RPRD2: variants seen among roughly 807,000 people sequenced by gnomAD.
The protein encoded by RPRD2 is regulation of nuclear pre-mRNA domain-containing protein 2.
In RPRD2, 12 loss-of-function variants were observed where a neutral mutation model predicts 104.4. That is an observed-to-expected ratio of 0.11 (90% CI 0.07 to 0.19). The LOEUF is 0.19. Ranked by LOEUF, RPRD2 falls within the 10% of genes least tolerant of loss-of-function variation. The pLI, the probability that RPRD2 is intolerant of heterozygous loss-of-function variation, is 1.00. For missense variants in RPRD2, 1,543 were observed against 1,790.1 expected, an observed-to-expected ratio of 0.86 and a Z score of 2.49; for synonymous variants, 714 against 684.9, an observed-to-expected ratio of 1.04 and a Z score of -0.66.
chr1:150,463,423 T>A (rs1158240701), intron 9 of RPRD2, among the ~76,000 whole-genome samples: 2 of 152,226 alleles, frequency 1.3e-5, no homozygotes, highest in Non-Finnish European at 2.9e-5. Context: ...ATATGAAAGC[T>A]TCTGTTGTTC....
intron 10 of RPRD2, among the ~76,000 whole-genome samples, chr1:150,467,737 C>T (rs890731639): frequency 4.6e-5 from 7 of 152,134 alleles, no homozygotes; most frequent in Non-Finnish European, 8.8e-5. Context: ...ATGTGGAATT[C>T]TCTTTGACTT....
chr1:150,448,955 G>A (rs1245325230), intron 7 of RPRD2, among the ~76,000 whole-genome samples: 3 of 152,080 alleles, frequency 2.0e-5, no homozygotes, highest in Non-Finnish European at 4.4e-5. Context: ...GGGAAATTTT[G>A]TCTGACCTTA....
intron 1 of RPRD2, among the ~76,000 whole-genome samples, chr1:150,395,912 C>T (rs1320656666): frequency 3.3e-5 from 5 of 152,224 alleles, no homozygotes; most frequent in African/African-American, 7.2e-5. Flanking sequence ...CTTAAGGAAT[C>T]TCCACACTGT....
intron 1 of RPRD2, among the ~76,000 whole-genome samples, chr1:150,394,446 CTACTT>C (rs1480908625): frequency 1.3e-5 from 2 of 152,188 alleles, no homozygotes; most frequent in South Asian, 2.1e-4. Flanking sequence ...TCTCTACAAT[CTACTT>C]TAAGATGGTT....
intron 2 of RPRD2, among the ~76,000 whole-genome samples, chr1:150,433,966 C>T (rs1292809740): frequency 6.6e-6 from 1 of 151,220 alleles, no homozygotes; most frequent in Non-Finnish European, 1.5e-5. Context: ...GTTTTTTAAC[C>T]AAGAAGAAGC....
At chr1:150,451,780 T>A (rs117071664) in intron 7 of RPRD2, among the ~76,000 whole-genome samples, 1 of 151,714 alleles carries the variant, frequency 6.6e-6, no homozygotes. Context: ...TTTGCTGATA[T>A]AATCAAGTTA....
Position 150,472,329 on chromosome 1 carries a change from T to C in RPRD2, c.3381T>C (p.Gly1127=). 2 of 1,613,750 alleles carry C rather than the reference T, an allele frequency of 1.2e-6. No homozygotes were observed. The highest frequency in any genetic ancestry group is 1.1e-5 in the South Asian group (1 of 91,064). ...ATGGGCGTGAGGCTTCAAGGGTGGG[T>C]TGGTTTGATCTGAGCACATCAGGTA... ...RGHGREASRV[G]WFDLSTSGSS... The change falls in exon 11 of 11, where the codon GGT becomes GGC. Residue 1127 remains glycine (G), a synonymous_variant. Transcript: ENST00000369068.
intron 7 of RPRD2, among the ~76,000 whole-genome samples, chr1:150,454,944 A>G (rs587702026): frequency 1.4e-3 from 216 of 152,338 alleles, no homozygotes; most frequent in Non-Finnish European, 2.7e-3. Context: ...TTCAAAAGAT[A>G]TCTTTAAGAC....
At chr1:150,394,801 C>CT (rs1662362798) in intron 1 of RPRD2, among the ~76,000 whole-genome samples, 1 of 151,960 alleles carries the variant, frequency 6.6e-6, no homozygotes, top group Non-Finnish European at 1.5e-5. Context: ...AGGCTGGTCT[C>CT]AAACTCCAGA....
chr1:150,393,127 C>G (rs142261778), intron 1 of RPRD2, among the ~76,000 whole-genome samples: 253 of 152,022 alleles, frequency 1.7e-3, no homozygotes, highest in African/African-American at 5.7e-3. Context: ...AAAAAACATA[C>G]CGCTATAGTA....
chr1:150,471,898 C>G lies in RPRD2; in HGVS notation c.2950C>G (p.Pro984Ala), dbSNP rs1668611886. Residue 984 changes from proline (P) to alanine (A), a missense_variant, in exon 11 of 11, where the codon CCC becomes GCC. Transcript: ENST00000369068. This position sits in a 1 kb window ranked among gnomAD's most constrained non-coding sequence, Gnocchi z 5.3. ...LFSPQNTLAA[P>A]TGHPPTSGVE... ...CTCTCCGCAGAACACCCTTGCCGCT[C>G]CCACGGGTCACCCACCCACGTCAGG... 6.2e-7 allele frequency: 1 copy of G among 1,613,988 alleles called. No individual in the cohort carries two copies. Among genetic ancestry groups the G allele is most frequent in the East Asian group, 2.2e-5 (1 of 44,870 alleles).
At chr1:150,437,763 A>G (rs587703555) in intron 2 of RPRD2, among the ~76,000 whole-genome samples, 1 of 151,898 alleles carries the variant, frequency 6.6e-6, no homozygotes, top group South Asian at 2.1e-4. Flanking sequence ...TATTTTTTGC[A>G]GAGATGGGGT....
At chr1:150,409,246 ATATC>A (rs1372654883) in intron 1 of RPRD2, among the ~76,000 whole-genome samples, 1 of 152,134 alleles carries the variant, frequency 6.6e-6, no homozygotes, top group African/African-American at 2.4e-5. Context: ...AACACTGACT[ATATC>A]TAGATTAACT....
chr1:150,466,073 C>T (rs1553899902), intron 10 of RPRD2, among the ~76,000 whole-genome samples: 2 of 147,598 alleles, frequency 1.4e-5, no homozygotes, highest in African/African-American at 5.0e-5. Flanking sequence ...GAAACCCTGT[C>T]TCTACAACGG....
chr1:150,420,066 C>T (rs1664655282), intron 2 of RPRD2, among the ~76,000 whole-genome samples: 1 of 152,184 alleles, frequency 6.6e-6, no homozygotes, highest in Admixed American at 6.5e-5. Flanking sequence ...TGTTGTTTGC[C>T]ACTTAACCAC....
chr1:150,462,591 TCCCC>T (rs1338281843), intron 9 of RPRD2, among the ~76,000 whole-genome samples: 1 of 152,108 alleles, frequency 6.6e-6, no homozygotes, highest in African/African-American at 2.4e-5. Flanking sequence ...TCTCACTCTG[TCCCC>T]CAGGCTGCTG....
chr1:150,364,667 G>C lies in RPRD2; in HGVS notation c.-48G>C. 1 of 1,118,480 alleles carries C rather than the reference G, an allele frequency of 8.9e-7. No homozygotes were observed. The allele number at this position is 1,118,480 out of a possible 1,614,324, so 69.3% of individuals were successfully genotyped here. A position where few individuals can be genotyped will look rare whatever the true frequency, so the allele number is the denominator to read the frequency against. The stretch of plus-strand genomic sequence containing the variant: ...TGTTTTGCCCGCTCCCGCCGCCGCC[G>C]CCGCCGCCGCCGCCAGAGGAGCAGC... On this transcript the variant is annotated 5_prime_UTR_variant, in exon 1 of 11. Coordinates refer to ENST00000369068, the MANE Select transcript of RPRD2 (RefSeq NM_015203.5).
At chr1:150,417,474 T>G in intron 1 of RPRD2, 122 bp from the exon 2 acceptor site, 1 of 721,496 alleles carries the variant, frequency 1.4e-6, no homozygotes, top group Non-Finnish European at 2.1e-6. Flanking sequence ...ATTCATCTTT[T>G]TATATCCATG....
chr1:150,433,436 ATAAT>A (rs1553892354), intron 2 of RPRD2, among the ~76,000 whole-genome samples: 4 of 123,704 alleles, frequency 3.2e-5, no homozygotes, highest in Non-Finnish European at 6.7e-5. Flanking sequence ...ACACACAGAC[ATAAT>A]TTTTTTTTTT....
Sources: allele counts gnomAD v4.1 joint callset (sites outside exome capture counted in the v4.1 genomes callset), GRCh38; gene constraint gnomAD v4.1.1; non-coding constraint Gnocchi (gnomAD v3.1); transcripts MANE v1.5; gene names NCBI Gene and HGNC (gene_info 2026-07-23, HGNC 2026-07-21).